The following ZZEF1 variants were observed in gnomAD, a reference collection of about 807,000 sequenced individuals.
The protein encoded by ZZEF1 is zinc finger ZZ-type and EF-hand domain containing 1, also known as zinc finger ZZ-type and EF-hand domain-containing protein 1.
In ZZEF1, 157 loss-of-function variants were observed where a neutral mutation model predicts 342.8. The observed-to-expected ratio is 0.46, with a 90% confidence interval of 0.40 to 0.52. The LOEUF is 0.52. Among genes scored for constraint, ZZEF1 ranks in the 20% least tolerant of loss-of-function variants. ZZEF1 has a pLI of 0.00. For synonymous variants in ZZEF1, 1,505 were observed against 1,429.1 expected (o/e 1.05, Z -1.20); for missense variants, 3,480 against 3,725.6 (o/e 0.93, Z 1.72).
At chr17:4,125,645 T>C (rs34146634) in intron 1 of ZZEF1, among the ~76,000 whole-genome samples, 115,775 of 152,160 alleles carry the variant, frequency 0.76, 46,353 homozygotes, top group East Asian at 1. Flanking sequence ...TATCTTTTTC[T>C]ACTCTGACTA....
In ZZEF1 at chr17:4,142,937, C is replaced by T; in HGVS notation, c.-42G>A. 1 of 1,300,378 alleles carries T rather than the reference C, an allele frequency of 7.7e-7. No homozygotes were observed. Among genetic ancestry groups the T allele is most frequent in the Non-Finnish European group, 9.7e-7 (1 of 1,027,902 alleles). The allele number at this position is 1,300,378 out of a possible 1,614,324, so 80.6% of individuals were successfully genotyped here. On this transcript the variant is annotated 5_prime_UTR_variant, in exon 1 of 55. Coordinates refer to ENST00000381638, the MANE Select transcript of ZZEF1 (RefSeq NM_015113.4). ...GCGCCTGGCTCTGCAGCCGCCGCCG[C>T]CGCCTCCCCGCCTCGACCTGTCAAC...
intron 52 of ZZEF1, among the ~76,000 whole-genome samples, chr17:4,010,249 G>A (rs1239249533): frequency 6.6e-6 from 1 of 151,944 alleles, no homozygotes; most frequent in Non-Finnish European, 1.5e-5. Flanking sequence ...AGCTACTCGA[G>A]AGGCTGAGGT....
Position 4,105,828 on chromosome 17 carries a change from A to C in ZZEF1, c.1278-19T>G. 6.3e-7 allele frequency: 1 copy of C among 1,584,000 alleles called. No homozygotes were observed. The highest frequency in any genetic ancestry group is 1.2e-5 in the South Asian group (1 of 86,582). On this transcript the variant is annotated intron_variant, in intron 6 of 54. Coordinates refer to ENST00000381638, the MANE Select transcript of ZZEF1 (RefSeq NM_015113.4). ...CGCCTTCCTAGAAGAGGAAAATGTAAAATGTAATCAGAACAAAACCAGACC... is the reference window on the plus strand; with the variant it reads ...CGCCTTCCTAGAAGAGGAAAATGTACAATGTAATCAGAACAAAACCAGACC...
chr17:4,072,854 C>T, intron 24 of ZZEF1, 98 bp from the exon 25 acceptor site: 2 of 1,253,828 alleles, frequency 1.6e-6, no homozygotes, highest in Non-Finnish European at 2.2e-6. Context: ...ACCATGGATA[C>T]TATTAAAACT....
At chr17:4,103,724 C>T (rs909098896) in intron 8 of ZZEF1, among the ~76,000 whole-genome samples, 1 of 152,048 alleles carries the variant, frequency 6.6e-6, no homozygotes, top group Non-Finnish European at 1.5e-5. Flanking sequence ...TCAAGACCAG[C>T]TTGGGCAACA....
chr17:4,093,928 G>A (rs1051859220), intron 11 of ZZEF1, among the ~76,000 whole-genome samples: 1 of 152,088 alleles, frequency 6.6e-6, no homozygotes, highest in Admixed American at 6.6e-5. Context: ...TGACTTCTGG[G>A]TAACATCTGA....
At chr17:4,028,662 A>C (rs1597782849) in intron 42 of ZZEF1, among the ~76,000 whole-genome samples, 1 of 152,242 alleles carries the variant, frequency 6.6e-6, no homozygotes, top group Non-Finnish European at 1.5e-5. Context: ...TTTTTAAAAA[A>C]AGACAAGAAA....
intron 5 of ZZEF1, among the ~76,000 whole-genome samples, chr17:4,112,336 G>A (rs924261869): frequency 2.6e-5 from 4 of 151,560 alleles, no homozygotes; most frequent in African/African-American, 4.8e-5. Flanking sequence ...AGTAGAGACA[G>A]GGTTTCACCA....
Position 4,076,648 on chromosome 17 carries a change from C to G in ZZEF1, c.3223G>C (p.Gly1075Arg). The change falls in exon 21 of 55, where the codon GGA (glycine) becomes CGA (arginine). Residue 1075 changes from glycine to arginine, a missense_variant. Gly to Arg is a moderately radical substitution (Grantham distance 125). Around this residue, in one of 5 missense-constraint regions of ZZEF1, gnomAD observed 1,528 missense variants for 1,624.1 expected, o/e 0.94. Coordinates refer to ENST00000381638, the MANE Select transcript of ZZEF1 (RefSeq NM_015113.4). ...CTGACTCGAGTTACCTTCCTCAGTC[C>G]TCCTTCGGGGCCACTACAGAGCTTC... ...LKKLCSGPEG[G>R]LRKLDVETWQ... The G allele has an allele frequency of 3.1e-6, 5 of 1,610,024 alleles. No homozygotes were observed. Among genetic ancestry groups the G allele is most frequent in the Non-Finnish European group, 3.4e-6 (4 of 1,177,422 alleles).
rs2058529856 is a variant in ZZEF1, at chr17:4,123,822, T to C, written c.499+85A>G. On this transcript the variant is annotated intron_variant, in intron 2 of 54. Transcript: ENST00000381638. ...AACACTGTTGGGGGAGTTTACTGCA[T>C]GTGGCCACAATTTTGCCTAATTTCA... is the stretch of plus-strand genomic sequence containing the variant. The C allele has an allele frequency of 1.0e-5, 15 of 1,498,278 alleles. No individual in the cohort carries two copies. The South Asian group carries it at 2.0e-4, about 20-fold the overall frequency. 92.8% of individuals were successfully genotyped at this position (1,498,278 alleles called of 1,614,324 possible).
At position 4,046,519 on chromosome 17, in the gene ZZEF1, G is replaced by A. The variant is rs78106242; in HGVS notation, c.6016-2145C>T. On this transcript the variant is annotated intron_variant, in intron 37 of 54. Coordinates refer to ENST00000381638, the MANE Select transcript of ZZEF1 (RefSeq NM_015113.4). The stretch of plus-strand genomic sequence containing the variant: ...GTGTGATTCAACACCAAACATTCAG[G>A]AGGTGACATGCCGTCTCCCAGGGGT... Among the ~76,000 whole-genome samples the A allele has an allele frequency of 1.6e-4, 24 of 152,282 alleles. 1 individual carries two copies. In the East Asian group the frequency reaches 4.4e-3, roughly 28 times the overall value.
At chr17:4,092,915 C>G (rs2057970661) in intron 11 of ZZEF1, among the ~76,000 whole-genome samples, 1 of 151,480 alleles carries the variant, frequency 6.6e-6, no homozygotes. Context: ...ACTGCTGACC[C>G]TGGAGCATGC....
At chr17:4,082,632 C>T in intron 16 of ZZEF1, 128 bp from the exon 17 acceptor site, 1 of 809,256 alleles carries the variant, frequency 1.2e-6, no homozygotes, top group Non-Finnish European at 2.0e-6. Context: ...AGCAGACTAC[C>T]TCACAGCACC....
At chr17:4,042,260 C>CAA (rs72531736) in intron 39 of ZZEF1, among the ~76,000 whole-genome samples, 169 bp downstream of exon 39, 1 of 151,860 alleles carries the variant, frequency 6.6e-6, no homozygotes, top group East Asian at 1.9e-4. Flanking sequence ...CACACACACA[C>CAA]ATATATATTT....
At chr17:4,088,130 G>T (rs182658792) in intron 13 of ZZEF1, among the ~76,000 whole-genome samples, 1 of 152,204 alleles carries the variant, frequency 6.6e-6, no homozygotes, top group East Asian at 1.9e-4. Flanking sequence ...CTACACATGC[G>T]AGGGCTCCAC....
intron 1 of ZZEF1, 92 bp from the exon 2 acceptor site, chr17:4,124,143 G>GATTT: frequency 7.0e-7 from 1 of 1,427,112 alleles, no homozygotes; most frequent in Non-Finnish European, 9.3e-7. Context: ...CGAGACCGGT[G>GATTT]ATTTATTTAT....
At chr17:4,140,496 T>C (rs1483097102) in intron 1 of ZZEF1, among the ~76,000 whole-genome samples, 1 of 152,212 alleles carries the variant, frequency 6.6e-6, no homozygotes. Context: ...GGTTAATACC[T>C]GTCTCTTCCA....
chr17:4,047,515 C>T (rs1325911440), intron 37 of ZZEF1, among the ~76,000 whole-genome samples: 1 of 152,188 alleles, frequency 6.6e-6, no homozygotes, highest in Admixed American at 6.5e-5. Context: ...TGGTGGCATA[C>T]ACCTGAAGTC....
rs145857160 is a variant in ZZEF1, at chr17:4,125,863, T to C, written c.355-1812A>G. ...GGAGGGAAGCAGCAGTTAAAATTAATGTCATTGGATAGAAGACAGAGGGAA... is the reference window on the plus strand; with the variant it reads ...GGAGGGAAGCAGCAGTTAAAATTAACGTCATTGGATAGAAGACAGAGGGAA... On this transcript the variant is annotated intron_variant, in intron 1 of 54. Transcript: ENST00000381638. Among the ~76,000 whole-genome samples, 6 of 152,254 alleles carry C rather than the reference T, an allele frequency of 3.9e-5. No homozygotes were observed. In the East Asian group the frequency reaches 9.6e-4, roughly 24 times the overall value.
Sources: gnomAD v4.1 joint callset for allele counts (sites outside exome capture counted in the v4.1 genomes callset) on GRCh38, gnomAD v4.1.1 for gene constraint, gnomAD v4.1.1 regional missense constraint, MANE v1.5 for transcripts, NCBI Gene and HGNC (gene_info 2026-07-23, HGNC 2026-07-21) for gene names.